Variants in CFAP100 observed in about 807,000 individuals in gnomAD.
CFAP100 encodes cilia and flagella associated protein 100, also known as cilia- and flagella-associated protein 100.
CFAP100 carries 70 observed loss-of-function variants against 81.5 expected under a neutral mutation model. That is an observed-to-expected ratio of 0.86 (90% CI 0.71 to 1.05). CFAP100 has a LOEUF of 1.05. CFAP100 is among the 50% of genes least tolerant of loss of function. CFAP100 has a pLI of 0.00. For missense variants in CFAP100, 811 were observed against 776.5 expected (o/e 1.04, Z -0.53); for synonymous variants, 341 against 314.8 (o/e 1.08, Z -0.88).
chr3:126,428,971 T>C (rs771748151), intron 13 of CFAP100, among the ~76,000 whole-genome samples: 5 of 151,642 alleles, frequency 3.3e-5, no homozygotes, highest in Non-Finnish European at 7.4e-5. Context: ...GAGCCAGGTG[T>C]GGTTGTGCAT....
intron 5 of CFAP100, 73 bp from the exon 6 acceptor site, chr3:126,418,385 C>G: frequency 7.1e-7 from 1 of 1,403,640 alleles, no homozygotes; most frequent in Admixed American, 1.7e-5. Context: ...GTGGAAGGCT[C>G]CTCTGCAGAC....
intron 4 of CFAP100, 132 bp from the exon 5 acceptor site, chr3:126,416,184 C>A: frequency 1.4e-6 from 1 of 701,430 alleles, no homozygotes; most frequent in Non-Finnish European, 2.3e-6. Flanking sequence ...GGCTCTCAGC[C>A]CGGGACAGCA....
At chr3:126,398,921 C>G (rs1343493580) in intron 2 of CFAP100, among the ~76,000 whole-genome samples, 1 of 152,166 alleles carries the variant, frequency 6.6e-6, no homozygotes, top group East Asian at 1.9e-4. Flanking sequence ...AAACAGCTCT[C>G]AACTTCACCG....
At chr3:126,409,466 G>T (rs1483908221) in intron 3 of CFAP100, among the ~76,000 whole-genome samples, 1 of 152,148 alleles carries the variant, frequency 6.6e-6, no homozygotes, top group East Asian at 1.9e-4. Context: ...GCGTCTCCTG[G>T]GTACACACCC....
rs770240546 is a variant in CFAP100, at chr3:126,414,121, T to C, written c.167T>C (p.Leu56Ser). 7 of 1,614,028 alleles carry C rather than the reference T, an allele frequency of 4.3e-6. No individual in the cohort carries two copies. In the African/African-American group the frequency reaches 5.3e-5, roughly 12 times the overall value. Residue 56 changes from leucine (L) to serine (S), a missense_variant, in exon 4 of 17, where the codon TTA (leucine) becomes TCA (serine). Transcript: ENST00000352312. ...GPDPSANPFH[L>S]SGDVDFFLLR... The stretch of plus-strand genomic sequence containing the variant: ...GACCCTTCAGCGAACCCTTTCCACT[T>C]ATCTGGGGATGTGGATTTCTTCTTG...
At chr3:126,423,103 G>C (rs1355983445) in intron 11 of CFAP100, among the ~76,000 whole-genome samples, 3 of 152,228 alleles carry the variant, frequency 2.0e-5, no homozygotes, top group African/African-American at 7.2e-5. Context: ...TGTCAAAGTG[G>C]CTACGGCCTT....
intron 11 of CFAP100, among the ~76,000 whole-genome samples, chr3:126,421,001 CTATT>C (rs879280533): frequency 4.6e-5 from 7 of 152,132 alleles, no homozygotes; most frequent in Admixed American, 6.5e-5. Flanking sequence ...TGCCTTATTT[CTATT>C]TATTTATTTA....
intron 2 of CFAP100, among the ~76,000 whole-genome samples, chr3:126,396,334 C>T (rs1439816064): frequency 6.6e-6 from 1 of 152,136 alleles, no homozygotes; most frequent in African/African-American, 2.4e-5. Context: ...GGGCTCTGAG[C>T]GAGAACCCAT....
intron 2 of CFAP100, among the ~76,000 whole-genome samples, chr3:126,396,305 A>G: frequency 6.6e-6 from 1 of 152,148 alleles, no homozygotes; most frequent in East Asian, 1.9e-4. Context: ...AAGTTGTCCA[A>G]AAGGCTAGGT....
At chr3:126,434,484 C>G (rs959940956) in intron 15 of CFAP100, 103 bp downstream of exon 15, 1 of 1,115,498 alleles carries the variant, frequency 9.0e-7, no homozygotes, top group Admixed American at 2.5e-5. Context: ...GAGACAGGCC[C>G]CTCCTGCTCT....
At chr3:126,412,847 C>T (rs541418732) in intron 3 of CFAP100, among the ~76,000 whole-genome samples, 3 of 152,330 alleles carry the variant, frequency 2.0e-5, no homozygotes, top group South Asian at 4.1e-4. Flanking sequence ...GCCTCAGTTC[C>T]TCACAGGTAA....
chr3:126,419,605 C>T, intron 8 of CFAP100, 32 bp from the exon 9 acceptor site: 1 of 1,603,914 alleles, frequency 6.2e-7, no homozygotes, highest in South Asian at 1.1e-5. Flanking sequence ...CTGACCTCCT[C>T]CTTCCCACAT....
intron 13 of CFAP100, among the ~76,000 whole-genome samples, chr3:126,429,224 G>C (rs1056202029): frequency 2.7e-5 from 4 of 150,772 alleles, no homozygotes. Flanking sequence ...GGAGCGTTTT[G>C]ATTACTATGT....
chr3:126,427,358 C>G (rs146859837), intron 13 of CFAP100, among the ~76,000 whole-genome samples: 576 of 152,254 alleles, frequency 3.8e-3, no homozygotes, highest in Non-Finnish European at 6.4e-3. Context: ...ACATAAGTAC[C>G]GTACACTCTG....
chr3:126,433,257 G>T (rs1933302743), intron 14 of CFAP100, 53 bp downstream of exon 14: 12 of 1,600,934 alleles, frequency 7.5e-6, no homozygotes, highest in Non-Finnish European at 1.0e-5. Context: ...GGACCCTTGG[G>T]CACCCACTGG....
rs2083081573 is a variant in CFAP100 at position 126,407,340 on chromosome 3, T to C, written c.130+88T>C. 3 of 764,812 alleles carry C rather than the reference T, an allele frequency of 3.9e-6. 1 individual carries two copies. The South Asian group carries it at 5.1e-5, about 13-fold the overall frequency. The allele number at this position is 764,812 out of a possible 1,614,324, so 47.4% of individuals were successfully genotyped here. On this transcript the variant is annotated intron_variant, in intron 3 of 16. Transcript: ENST00000352312. ...CCCAGATCCCCTCAGACCAGGTCTCTAGAGCTAAGGGCAGAAGGAAATGTT... is the reference window on the plus strand; with the variant it reads ...CCCAGATCCCCTCAGACCAGGTCTCCAGAGCTAAGGGCAGAAGGAAATGTT...
At chr3:126,404,260 A>G (rs1231452827) in intron 2 of CFAP100, among the ~76,000 whole-genome samples, 10 of 152,214 alleles carry the variant, frequency 6.6e-5, no homozygotes. Flanking sequence ...TATCAAGCTA[A>G]AATAACCAAA....
chr3:126,426,454 TA>T (rs67227509), intron 13 of CFAP100, among the ~76,000 whole-genome samples: 4,736 of 132,660 alleles, frequency 0.036, 150 homozygotes, highest in South Asian at 0.14. Context: ...GACCCTGTCT[TA>T]AAAAAAAAAA....
intron 2 of CFAP100, chr3:126,396,639 T>A (rs1200321037): frequency 6.5e-6 from 1 of 153,436 alleles, no homozygotes; most frequent in East Asian, 1.9e-4. Context: ...GATGACACAG[T>A]TCAACCCACA....
Sources: allele counts gnomAD v4.1 joint callset (sites outside exome capture counted in the v4.1 genomes callset), GRCh38; gene constraint gnomAD v4.1.1; transcripts MANE v1.5; gene names NCBI Gene and HGNC (gene_info 2026-07-23, HGNC 2026-07-21).